Variants in DHRS9 observed in about 807,000 individuals in gnomAD.
DHRS9 encodes dehydrogenase/reductase SDR family member 9.
DHRS9 carries 18 observed loss-of-function variants against 26.6 expected under a neutral mutation model. That is an observed-to-expected ratio of 0.68 (90% CI 0.47 to 1.00). The LOEUF (loss-of-function observed/expected upper bound fraction) is 1.00, where lower values mean the gene tolerates loss of function less well. Ranked by LOEUF, DHRS9 falls within the 50% of genes least tolerant of loss-of-function variation. DHRS9 has a pLI of 0.00. For synonymous variants in DHRS9, 134 were observed against 141.1 expected (o/e 0.95, Z 0.36); for missense variants, 425 against 378.7 (o/e 1.12, Z -1.01).
chr2:169,070,395 A>C (rs181920542), intron 1 of DHRS9: 1 of 985,406 alleles, frequency 1.0e-6, no homozygotes, highest in Admixed American at 6.1e-5. Context: ...GATGTTTAGG[A>C]GGTGTGCTTC....
chr2:169,083,722 G>T, intron 3 of DHRS9, 135 bp downstream of exon 3: 1 of 979,860 alleles, frequency 1.0e-6, no homozygotes, highest in Non-Finnish European at 1.5e-6. Flanking sequence ...GTACATAGTA[G>T]GTATATATAT....
chr2:169,073,608 T>C (rs1408105119), intron 1 of DHRS9, among the ~76,000 whole-genome samples: 3 of 152,156 alleles, frequency 2.0e-5, no homozygotes, highest in South Asian at 2.1e-4. Context: ...TGGGAGGTGA[T>C]TGGATGAAGA....
Position 169,088,682 on chromosome 2 carries a change from G to C in DHRS9, c.573-3108G>C, listed in dbSNP as rs368761641. Among the ~76,000 whole-genome samples, 32 of 152,266 alleles carry C rather than the reference G, an allele frequency of 2.1e-4. 1 individual carries two copies. The East Asian group carries it at 2.3e-3, about 11-fold the overall frequency. On this transcript the variant is annotated intron_variant, in intron 3 of 4. Coordinates refer to ENST00000674881, the MANE Select transcript of DHRS9 (RefSeq NM_001376924.1). ...TTAATTTGCGCAAGGTCACCCAGCT[G>C]GTAAGTGGCAGAACTGAGATTTGAA...
intron 1 of DHRS9, among the ~76,000 whole-genome samples, chr2:169,075,010 A>C (rs532584914): frequency 6.6e-6 from 1 of 152,160 alleles, no homozygotes; most frequent in Admixed American, 6.5e-5. Context: ...GACAAGGAGT[A>C]AAGAGGGAAT....
At chr2:169,086,391 G>A (rs1266016902) in intron 3 of DHRS9, among the ~76,000 whole-genome samples, 1 of 152,004 alleles carries the variant, frequency 6.6e-6, no homozygotes, top group Admixed American at 6.6e-5. Context: ...CCTTCTTTGT[G>A]TTATCTTGAA....
intron 3 of DHRS9, among the ~76,000 whole-genome samples, chr2:169,087,433 C>G (rs183726634): frequency 6.6e-6 from 1 of 152,274 alleles, no homozygotes; most frequent in East Asian, 1.9e-4. Context: ...AGAGCCAAGG[C>G]CTGGAATTGG....
chr2:169,093,939 A>ACTTGGATTTTTG (rs1684614992), intron 4 of DHRS9, among the ~76,000 whole-genome samples: 1 of 152,214 alleles, frequency 6.6e-6, no homozygotes. Flanking sequence ...GAGAAGACAC[A>ACTTGGATTTTTG]GCTCAGGTAT....
chr2:169,083,538 G>A lies in DHRS9; in HGVS notation c.523G>A (p.Gly175Ser), dbSNP rs1236211766. The stretch of plus-strand genomic sequence containing the variant: ...AGGTCGCCTTGCAATCGTTGGAGGG[G>A]GCTATACTCCATCCAAATATGCAGT... ...VGGRLAIVGG[G>S]YTPSKYAVEG... The change falls in exon 3 of 5, where the codon GGC (glycine) becomes AGC (serine). Residue 175 changes from glycine (G) to serine (S), a missense_variant. Transcript: ENST00000674881. The A allele has an allele frequency of 1.9e-6, 3 of 1,613,810 alleles. No homozygotes were observed. Among genetic ancestry groups the A allele is most frequent in the South Asian group, 1.1e-5 (1 of 91,050 alleles).
chr2:169,079,929 G>A (rs1370265426), intron 1 of DHRS9, among the ~76,000 whole-genome samples: 5 of 11,568 alleles, frequency 4.3e-4, no homozygotes, highest in Non-Finnish European at 1.0e-3. Context: ...GGGAGAGAGA[G>A]AGAGAGAGAG....
Position 169,083,470 on chromosome 2 carries a change from T to TC in DHRS9, c.456dup (p.Lys153GlnfsTer9). 1 of 1,614,078 alleles carries TC rather than the reference T, an allele frequency of 6.2e-7. No homozygotes were observed. The highest frequency in any genetic ancestry group is 1.7e-5 in the Admixed American group (1 of 60,014). On this transcript the variant is annotated frameshift_variant, in exon 3 of 5. Transcript: ENST00000674881. LOFTEE classifies it high-confidence loss of function. ...GTGACACTAAATATGCTTCCTTTGG[T>TC]CAAGAAAGCTCAAGGGAGAGTTATT...
chr2:169,077,026 G>T (rs1198498451), intron 1 of DHRS9, among the ~76,000 whole-genome samples: 2 of 152,176 alleles, frequency 1.3e-5, no homozygotes, highest in Non-Finnish European at 2.9e-5. Context: ...TATTGTTTCA[G>T]GGGTGGCAGA....
At chr2:169,081,143 C>A in intron 1 of DHRS9, 1 of 1,001,900 alleles carries the variant, frequency 1.0e-6, no homozygotes, top group Non-Finnish European at 1.2e-6. Flanking sequence ...ATTTCATGAA[C>A]TAGCAAGAGG....
At chr2:169,089,392 GA>G (rs1176364703) in intron 3 of DHRS9, among the ~76,000 whole-genome samples, 1 of 152,226 alleles carries the variant, frequency 6.6e-6, no homozygotes, top group East Asian at 1.9e-4. Flanking sequence ...ACAGAAGCCA[GA>G]GTATACTTAG....
upstream of DHRS9, among the ~76,000 whole-genome samples, chr2:169,067,652 T>C (rs1283519000): frequency 1.3e-5 from 2 of 152,188 alleles, no homozygotes; most frequent in Admixed American, 1.3e-4. Context: ...ATGTGATCTT[T>C]GATCTGAAGT....
intron 3 of DHRS9, 101 bp from the exon 4 acceptor site, chr2:169,091,689 C>A: frequency 1.5e-6 from 2 of 1,308,134 alleles, no homozygotes; most frequent in Non-Finnish European, 2.1e-6. Flanking sequence ...GCACCCAAAT[C>A]TGTGATTCCA....
intron 3 of DHRS9, among the ~76,000 whole-genome samples, chr2:169,090,003 T>A (rs1449568911): frequency 6.6e-6 from 1 of 152,228 alleles, no homozygotes; most frequent in Non-Finnish European, 1.5e-5. Context: ...AGAGATTTAC[T>A]CACTTTTAAA....
chr2:169,079,268 T>A (rs185749544), intron 1 of DHRS9, among the ~76,000 whole-genome samples: 48 of 152,240 alleles, frequency 3.2e-4, no homozygotes, highest in African/African-American at 4.1e-4. Context: ...TGATTTTTTT[T>A]AATCTGAAAT....
intron 3 of DHRS9, among the ~76,000 whole-genome samples, chr2:169,085,777 C>G (rs1444531556): frequency 6.6e-6 from 1 of 152,086 alleles, no homozygotes; most frequent in East Asian, 1.9e-4. Flanking sequence ...TGTGTGGAGT[C>G]TTTAGGTTTT....
intron 3 of DHRS9, among the ~76,000 whole-genome samples, chr2:169,090,791 T>C (rs532951493): frequency 7.9e-5 from 12 of 152,334 alleles, no homozygotes; most frequent in African/African-American, 2.2e-4. Flanking sequence ...GAAAGTGAGA[T>C]GCATGCATTA....
Sources: allele counts gnomAD v4.1 joint callset (sites outside exome capture counted in the v4.1 genomes callset), GRCh38; gene constraint gnomAD v4.1.1; transcripts MANE v1.5; gene names NCBI Gene and HGNC (gene_info 2026-07-23, HGNC 2026-07-21).